SLC49A4: variants seen among roughly 807,000 people sequenced by gnomAD.
SLC49A4 encodes the protein solute carrier family 49 member 4, also known as disrupted in renal cancer protein 2.
SLC49A4 carries 36 observed loss-of-function variants against 50.6 expected under a neutral mutation model. The observed-to-expected ratio is 0.71, with a 90% CI of 0.55 to 0.94. SLC49A4 has a LOEUF of 0.94. Among genes scored for constraint, SLC49A4 ranks in the 40% least tolerant of loss-of-function variants. SLC49A4 has a pLI of 0.00. For missense variants in SLC49A4, 503 were observed against 605.7 expected (o/e 0.83, Z 1.78); for synonymous variants, 248 against 241.2 (o/e 1.03, Z -0.26).
intron 6 of SLC49A4, among the ~76,000 whole-genome samples, chr3:122,859,146 G>T (rs1937026700): frequency 6.6e-6 from 1 of 152,204 alleles, no homozygotes; most frequent in African/African-American, 2.4e-5. Context: ...TCTTCACTGA[G>T]CCCAGAGGGC....
intron 7 of SLC49A4, among the ~76,000 whole-genome samples, chr3:122,868,652 T>C (rs936984442): frequency 1.3e-5 from 2 of 152,244 alleles, no homozygotes; most frequent in Non-Finnish European, 2.9e-5. Flanking sequence ...CTGACACAGC[T>C]ACCTTCCCCC....
intron 1 of SLC49A4, among the ~76,000 whole-genome samples, chr3:122,800,292 C>T (rs1936112190): frequency 6.6e-6 from 1 of 152,162 alleles, no homozygotes; most frequent in African/African-American, 2.4e-5. Flanking sequence ...GAGAATAGAG[C>T]ACTGGATTTA....
chr3:122,879,182 A>C, intron 8 of SLC49A4, 81 bp from the exon 9 acceptor site: 2 of 995,790 alleles, frequency 2.0e-6, no homozygotes, highest in South Asian at 2.7e-5. Context: ...TTTAATGCAG[A>C]GCAGATTCCT....
intron 2 of SLC49A4, among the ~76,000 whole-genome samples, chr3:122,813,150 T>C (rs2107559821): frequency 6.6e-6 from 1 of 150,502 alleles, no homozygotes; most frequent in East Asian, 2.0e-4. Context: ...CTCGGGAGGC[T>C]GAAGCAGGAG....
intron 2 of SLC49A4, among the ~76,000 whole-genome samples, chr3:122,824,508 A>G (rs1012513196): frequency 6.6e-6 from 1 of 152,076 alleles, no homozygotes; most frequent in Non-Finnish European, 1.5e-5. Context: ...AGCCATGGCA[A>G]TAATTTGAGT....
intron 4 of SLC49A4, among the ~76,000 whole-genome samples, chr3:122,840,431 T>A (rs1936755407): frequency 6.6e-6 from 1 of 152,146 alleles, no homozygotes; most frequent in African/African-American, 2.4e-5. Context: ...GATAAAAATC[T>A]TTGAAAATTT....
Position 122,851,267 on chromosome 3 carries a change from C to T in SLC49A4, c.943-5040C>T, listed in dbSNP as rs533720358. ...AGTCTTCAAATCTGTAGTCATTTTT[C>T]TTCTATCTAAAGAGCACCCATTAGT... On this transcript the variant is annotated intron_variant, in intron 5 of 8. Transcript: ENST00000261038. Among the ~76,000 whole-genome samples, 17 of 152,046 alleles carry T rather than the reference C, an allele frequency of 1.1e-4. No individual in the cohort carries two copies. In the South Asian group the frequency reaches 3.5e-3, roughly 32 times the overall value.
chr3:122,824,799 C>T (rs1397894818), intron 2 of SLC49A4, among the ~76,000 whole-genome samples: 1 of 131,174 alleles, frequency 7.6e-6, no homozygotes, highest in Non-Finnish European at 1.5e-5. Context: ...GTGGCACAAT[C>T]TCTGCTCACT....
intron 5 of SLC49A4, among the ~76,000 whole-genome samples, chr3:122,851,578 A>C (rs1275318597): frequency 1.3e-5 from 2 of 152,156 alleles, no homozygotes; most frequent in African/African-American, 4.8e-5. Context: ...TGGTTTCAGC[A>C]GTTTTGCTTT....
chr3:122,864,934 G>A (rs920912847), intron 7 of SLC49A4, among the ~76,000 whole-genome samples: 2 of 152,168 alleles, frequency 1.3e-5, no homozygotes, highest in African/African-American at 2.4e-5. Context: ...GATCACTGGA[G>A]CCTGGAAGTT....
intron 4 of SLC49A4, among the ~76,000 whole-genome samples, chr3:122,841,547 T>TA (rs1178862905): frequency 6.6e-6 from 1 of 152,246 alleles, no homozygotes; most frequent in Non-Finnish European, 1.5e-5. Flanking sequence ...CAAACAGAGT[T>TA]ACGTTTAATG....
At chr3:122,864,542 ATTAT>A (rs1937092485) in intron 7 of SLC49A4, among the ~76,000 whole-genome samples, 1 of 152,152 alleles carries the variant, frequency 6.6e-6, no homozygotes, top group African/African-American at 2.4e-5. Flanking sequence ...CTTGGGAGAG[ATTAT>A]TTATCTAATT....
At chr3:122,866,813 G>A (rs1937127470) in intron 7 of SLC49A4, among the ~76,000 whole-genome samples, 1 of 152,010 alleles carries the variant, frequency 6.6e-6, no homozygotes. Flanking sequence ...TAGATTGCTA[G>A]GGTCCTCCTT....
chr3:122,875,140 G>A lies in SLC49A4; in HGVS notation c.1321+2543G>A, dbSNP rs570180511. On this transcript the variant is annotated intron_variant, in intron 8 of 8. Transcript: ENST00000261038. The stretch of plus-strand genomic sequence containing the variant: ...TCTCAGGTATGATTATACACAAATT[G>A]CAAATCTAAAAATTCTGTAAAACTG... Among the ~76,000 whole-genome samples the A allele has an allele frequency of 2.6e-5, 4 of 152,184 alleles. No homozygotes were observed. In the South Asian group the frequency reaches 8.3e-4, roughly 32 times the overall value.
At chr3:122,833,708 A>C (rs1936638128) in intron 4 of SLC49A4, among the ~76,000 whole-genome samples, 1 of 152,106 alleles carries the variant, frequency 6.6e-6, no homozygotes, top group African/African-American at 2.4e-5. Context: ...AAAATCAAAT[A>C]TTTTATTTTT....
At chr3:122,831,519 G>T (rs753244890) in intron 3 of SLC49A4, among the ~76,000 whole-genome samples, 4 of 152,078 alleles carry the variant, frequency 2.6e-5, no homozygotes, top group Non-Finnish European at 5.9e-5. Flanking sequence ...AGTCATAAAA[G>T]ACCACATATT....
intron 8 of SLC49A4, 130 bp downstream of exon 8, chr3:122,872,727 G>A (rs1331366309): frequency 9.9e-6 from 6 of 606,456 alleles, no homozygotes; most frequent in Non-Finnish European, 1.6e-5. Context: ...TCCATTGCCA[G>A]TAAAAGAAAA....
chr3:122,856,685 A>G (rs1173049554), intron 6 of SLC49A4, among the ~76,000 whole-genome samples: 1 of 152,002 alleles, frequency 6.6e-6, no homozygotes, highest in African/African-American at 2.4e-5. Flanking sequence ...AAAAACACAA[A>G]ATTACCTGGG....
At chr3:122,811,537 A>G (rs1376747330) in intron 2 of SLC49A4, among the ~76,000 whole-genome samples, 1 of 152,208 alleles carries the variant, frequency 6.6e-6, no homozygotes, top group Non-Finnish European at 1.5e-5. Flanking sequence ...TCAAATATAC[A>G]TGTCTTTAAC....
Sources: allele counts gnomAD v4.1 joint callset (sites outside exome capture counted in the v4.1 genomes callset), GRCh38; gene constraint gnomAD v4.1.1; transcripts MANE v1.5; gene names NCBI Gene and HGNC (gene_info 2026-07-23, HGNC 2026-07-21).